DCDC1: variants seen among roughly 807,000 people sequenced by gnomAD.
DCDC1 encodes doublecortin domain-containing protein 1.
A neutral mutation model predicts 178.3 loss-of-function variants in DCDC1; 200 were observed. That is an observed-to-expected ratio of 1.12 (90% CI 1.00 to 1.26). The LOEUF (loss-of-function observed/expected upper bound fraction) is 1.26. Ranked by LOEUF, DCDC1 falls within the 50% of genes most tolerant of loss-of-function variation. DCDC1 has a pLI of 0.00. For synonymous variants in DCDC1, 690 were observed against 604.8 expected, an observed-to-expected ratio of 1.14 and a Z score of -2.07; for missense variants, 1,983 against 1,749.2, an observed-to-expected ratio of 1.13 and a Z score of -2.38.
chr11:30,876,868 C>A (rs1310596050), intron 38 of DCDC1, among the ~76,000 whole-genome samples: 1 of 152,020 alleles, frequency 6.6e-6, no homozygotes, highest in Non-Finnish European at 1.5e-5. Context: ...GGCAAGAGTC[C>A]TCTTGGCTCC....
chr11:31,146,832 C>T (rs982836347), intron 9 of DCDC1, among the ~76,000 whole-genome samples: 7 of 152,140 alleles, frequency 4.6e-5, no homozygotes, highest in Non-Finnish European at 2.9e-5. Context: ...TGCCAATATC[C>T]TGGGACAAAC....
Position 31,241,630 on chromosome 11 carries a change from G to A in DCDC1, c.1055-14C>T. On this transcript the variant is annotated splice_polypyrimidine_tract_variant and intron_variant, in intron 8 of 38. Coordinates refer to ENST00000684477, the MANE Select transcript of DCDC1 (RefSeq NM_001387274.1). ...CAAGCAGAGGAACTATGCAAGAAAA[G>A]AAGGGAAAAAAATTCTTTTGACCCA... 2.5e-6 allele frequency: 1 copy of A among 396,794 alleles called. No homozygotes were observed. The highest frequency in any genetic ancestry group is 3.6e-5 in the East Asian group (1 of 28,030). The allele number at this position is 396,794 out of a possible 1,614,324, so 24.6% of individuals were successfully genotyped here.
intron 9 of DCDC1, among the ~76,000 whole-genome samples, chr11:31,178,121 CAT>C (rs1240611741): frequency 1.3e-5 from 2 of 152,158 alleles, no homozygotes; most frequent in Non-Finnish European, 2.9e-5. Context: ...GAACAGATCA[CAT>C]GTTAGGCCAC....
At chr11:31,042,027 A>C (rs557345864) in intron 20 of DCDC1, among the ~76,000 whole-genome samples, 3 of 152,330 alleles carry the variant, frequency 2.0e-5, no homozygotes, top group East Asian at 3.9e-4. Context: ...ATCCAATATG[A>C]AGCATCAGCA....
At chr11:31,123,994 C>T (rs1961198793) in intron 11 of DCDC1, among the ~76,000 whole-genome samples, 1 of 151,976 alleles carries the variant, frequency 6.6e-6, no homozygotes, top group Admixed American at 6.6e-5. Context: ...GGCTTCTTTG[C>T]ATATGTAAAT....
chr11:30,929,174 G>A (rs1033161447), intron 22 of DCDC1, among the ~76,000 whole-genome samples: 5 of 152,056 alleles, frequency 3.3e-5, no homozygotes, highest in Non-Finnish European at 7.4e-5. Flanking sequence ...CCTTAATCAT[G>A]TGGCTAACAA....
chr11:31,029,382 CTG>C (rs1387500845), intron 20 of DCDC1, among the ~76,000 whole-genome samples: 3 of 151,956 alleles, frequency 2.0e-5, no homozygotes, highest in Non-Finnish European at 4.4e-5. Context: ...TTAAAATGTT[CTG>C]TTTCTGTTAA....
chr11:31,102,967 C>G (rs1271091686), intron 14 of DCDC1, among the ~76,000 whole-genome samples: 1 of 152,052 alleles, frequency 6.6e-6, no homozygotes, highest in Non-Finnish European at 1.5e-5. Flanking sequence ...TCTCTTTGTG[C>G]CTTGGTTTCT....
At chr11:31,366,485 G>T (rs1021470525) in intron 1 of DCDC1, among the ~76,000 whole-genome samples, 4 of 152,178 alleles carry the variant, frequency 2.6e-5, no homozygotes, top group African/African-American at 9.7e-5. Context: ...TGCTATGAAA[G>T]TTGAGGGGCG....
intron 20 of DCDC1, among the ~76,000 whole-genome samples, chr11:30,974,146 G>A (rs1949972467): frequency 6.6e-6 from 1 of 151,726 alleles, no homozygotes; most frequent in Admixed American, 6.6e-5. Flanking sequence ...ATTGGATCAA[G>A]GAAGAAATTA....
At chr11:31,323,282 G>A (rs1185304514) in intron 3 of DCDC1, among the ~76,000 whole-genome samples, 1 of 152,192 alleles carries the variant, frequency 6.6e-6, no homozygotes, top group Non-Finnish European at 1.5e-5. Flanking sequence ...CACACAATTT[G>A]GATGTGAATT....
chr11:30,971,459 A>C (rs1490094516), intron 20 of DCDC1, among the ~76,000 whole-genome samples: 3 of 152,160 alleles, frequency 2.0e-5, no homozygotes, highest in Admixed American at 2.0e-4. Context: ...AAATTTATTA[A>C]AGAGATAGAT....
chr11:30,941,112 C>T (rs995021113), intron 21 of DCDC1, among the ~76,000 whole-genome samples: 2 of 152,076 alleles, frequency 1.3e-5, no homozygotes. Flanking sequence ...ATCAAGGACC[C>T]TATATCAAGG....
chr11:31,249,611 G>C (rs776645134), intron 8 of DCDC1, among the ~76,000 whole-genome samples: 2 of 152,154 alleles, frequency 1.3e-5, no homozygotes, highest in Non-Finnish European at 2.9e-5. Flanking sequence ...TTCCTGAGCA[G>C]CATCTTTCCG....
At chr11:31,254,419 A>C (rs372704483) in intron 8 of DCDC1, among the ~76,000 whole-genome samples, 1 of 152,190 alleles carries the variant, frequency 6.6e-6, no homozygotes, top group South Asian at 2.1e-4. Flanking sequence ...ACAACAAAAA[A>C]ATTGAGGGAT....
intron 21 of DCDC1, among the ~76,000 whole-genome samples, chr11:30,950,635 A>G (rs1240845326): frequency 6.6e-6 from 1 of 152,256 alleles, no homozygotes; most frequent in East Asian, 1.9e-4. Flanking sequence ...ACTCATACAT[A>G]GGAGCAAAAA....
chr11:31,246,085 G>A (rs942457573), intron 8 of DCDC1, among the ~76,000 whole-genome samples: 1 of 151,912 alleles, frequency 6.6e-6, no homozygotes, highest in Non-Finnish European at 1.5e-5. Flanking sequence ...CATTGAAAGG[G>A]CCATGTGCAT....
At chr11:31,247,102 G>T (rs1000769999) in intron 8 of DCDC1, among the ~76,000 whole-genome samples, 1 of 152,050 alleles carries the variant, frequency 6.6e-6, no homozygotes, top group Non-Finnish European at 1.5e-5. Flanking sequence ...ATTGCAGGAA[G>T]AATTTCATAG....
At chr11:31,251,273 A>G (rs1297652220) in intron 8 of DCDC1, among the ~76,000 whole-genome samples, 1 of 152,168 alleles carries the variant, frequency 6.6e-6, no homozygotes, top group Non-Finnish European at 1.5e-5. Context: ...CCCATCTATA[A>G]TGCCTACTTT....
Sources: gnomAD v4.1 joint callset for allele counts (sites outside exome capture counted in the v4.1 genomes callset) on GRCh38, gnomAD v4.1.1 for gene constraint, MANE v1.5 for transcripts, NCBI Gene and HGNC (gene_info 2026-07-23, HGNC 2026-07-21) for gene names.